TMEM278: variants seen among roughly 807,000 people sequenced by gnomAD.
TMEM278 encodes transmembrane protein 88B.
At chr1:1,426,881 C>T in the TMEM278 span, among the ~76,000 whole-genome samples, 1 of 151,952 alleles carries the variant, frequency 6.6e-6, no homozygotes, top group Middle Eastern at 3.2e-3. Flanking sequence ...CGCAGGAGGG[C>T]AGAAGCGGGC....
chr1:1,429,147 C>T, the TMEM278 span, among the ~76,000 whole-genome samples: 1 of 151,422 alleles, frequency 6.6e-6, no homozygotes, highest in Non-Finnish European at 1.5e-5. Flanking sequence ...CCAGCCTGGA[C>T]AACAAGAGCA....
At chr1:1,426,649 G>A in the TMEM278 span, among the ~76,000 whole-genome samples, 1 of 152,240 alleles carries the variant, frequency 6.6e-6, no homozygotes, top group South Asian at 2.1e-4. Context: ...GGACAGCTGG[G>A]TGGGGGTGGG....
the TMEM278 span, chr1:1,427,499 C>A: frequency 1.9e-6 from 1 of 513,578 alleles, no homozygotes; most frequent in Admixed American, 6.8e-5. Flanking sequence ...CTGCCCTGCC[C>A]CCAGCCCTCC....
chr1:1,427,763 C>G, the TMEM278 span: 135 of 1,333,682 alleles, frequency 1.0e-4, no homozygotes, highest in South Asian at 1.2e-4. Context: ...CCGACGAGGA[C>G]GAGCAACTCT....
At chr1:1,426,075 G>C in the TMEM278 span, 1 of 1,321,126 alleles carries the variant, frequency 7.6e-7, no homozygotes, top group Non-Finnish European at 9.7e-7. Context: ...GCCCTGGAGA[G>C]CACCACTCTG....
the TMEM278 span, among the ~76,000 whole-genome samples, chr1:1,428,414 A>C: frequency 6.6e-6 from 1 of 152,076 alleles, no homozygotes; most frequent in African/African-American, 2.4e-5. Flanking sequence ...GCATTCAGAC[A>C]TGCGCCAGCC....
At chr1:1,428,606 C>T in the TMEM278 span, among the ~76,000 whole-genome samples, 1 of 152,208 alleles carries the variant, frequency 6.6e-6, no homozygotes, top group Non-Finnish European at 1.5e-5. Flanking sequence ...ACCACGAATT[C>T]CTTCTCCATA....
the TMEM278 span, chr1:1,426,237 C>T: frequency 1.1e-5 from 16 of 1,461,666 alleles, no homozygotes; most frequent in Admixed American, 9.9e-5. Flanking sequence ...TCAGCCCTGA[C>T]GTGCCCAGGG....
At chr1:1,426,249 G>C in the TMEM278 span, 1 of 1,488,714 alleles carries the variant, frequency 6.7e-7, no homozygotes, top group Non-Finnish European at 9.0e-7. Context: ...TGCCCAGGGT[G>C]GTCGGGGCCC....
the TMEM278 span, among the ~76,000 whole-genome samples, chr1:1,428,392 A>G: frequency 6.6e-6 from 1 of 152,026 alleles, no homozygotes; most frequent in African/African-American, 2.4e-5. Context: ...GGCTCAGCCT[A>G]TGGCCAGGCT....
chr1:1,428,663 C>G, the TMEM278 span, among the ~76,000 whole-genome samples: 1 of 152,206 alleles, frequency 6.6e-6, no homozygotes, highest in Non-Finnish European at 1.5e-5. Flanking sequence ...TCCCTTCCGT[C>G]TAATCTGCTG....
chr1:1,427,758 G>C, the TMEM278 span: 1 of 1,320,426 alleles, frequency 7.6e-7, no homozygotes, highest in Non-Finnish European at 9.6e-7. Context: ...GCGCCCCGAC[G>C]AGGACGAGCA....
the TMEM278 span, among the ~76,000 whole-genome samples, chr1:1,428,832 C>G: frequency 2.0e-5 from 3 of 152,206 alleles, no homozygotes; most frequent in South Asian, 6.2e-4. Context: ...AACCCCGTCT[C>G]TACTAAAAAA....
At chr1:1,427,740 C>T in the TMEM278 span, 4 of 1,305,654 alleles carry the variant, frequency 3.1e-6, no homozygotes, top group South Asian at 4.1e-5. Context: ...ACCCCGCCGC[C>T]CCCCGGGGCG....
At chr1:1,427,721 G>T in the TMEM278 span, 22 of 1,298,972 alleles carry the variant, frequency 1.7e-5, no homozygotes, top group East Asian at 6.1e-4. Context: ...CGCCCGCTGG[G>T]ACCCCCGGAC....
At chr1:1,429,514 C>T in the TMEM278 span, among the ~76,000 whole-genome samples, 1 of 152,038 alleles carries the variant, frequency 6.6e-6, no homozygotes, top group African/African-American at 2.4e-5. Flanking sequence ...TAAATAATTC[C>T]AGTGTCCTAG....
At chr1:1,425,905 C>T in the TMEM278 span, among the ~76,000 whole-genome samples, 4 of 152,176 alleles carry the variant, frequency 2.6e-5, no homozygotes, top group Middle Eastern at 3.4e-3. Context: ...TGGAGACTGG[C>T]GCTGCTGGAG....
At chr1:1,427,865 G>C in the TMEM278 span, 1 of 1,267,438 alleles carries the variant, frequency 7.9e-7, no homozygotes, top group Non-Finnish European at 1.0e-6. Context: ...CCGGAAAACT[G>C]AGGGTCGCCC....
At chr1:1,428,413 C>A in the TMEM278 span, among the ~76,000 whole-genome samples, 21 of 152,092 alleles carry the variant, frequency 1.4e-4, no homozygotes, top group Admixed American at 1.1e-3. Flanking sequence ...CGCATTCAGA[C>A]ATGCGCCAGC....
Sources: allele counts gnomAD v4.1 joint callset (sites outside exome capture counted in the v4.1 genomes callset), GRCh38; gene constraint gnomAD v4.1.1; transcripts MANE v1.5; gene names NCBI Gene and HGNC (gene_info 2026-07-23, HGNC 2026-07-21).